The following LYPLAL1 variants were observed in gnomAD, a reference collection of about 807,000 sequenced individuals.
LYPLAL1 encodes the protein lysophospholipase like 1, also known as lysophospholipase-like protein 1.
Under a neutral mutation model 19.7 loss-of-function variants are expected in LYPLAL1, and 23 were observed. The ratio of observed to expected loss-of-function variants is 1.17; its 90% CI spans 0.84 to 1.65. The LOEUF is 1.65. LYPLAL1 is among the 40% of genes most tolerant of loss of function. The probability of loss-of-function intolerance (pLI) is 0.00; values close to 1 mark genes in which losing one functional copy is unlikely to be tolerated. For missense variants in LYPLAL1, 355 were observed against 279.4 expected (o/e 1.27, Z -1.93); for synonymous variants, 119 against 96.3 (o/e 1.24, Z -1.38).
At chr1:219,250,525 A>G in the LYPLAL1 span, among the ~76,000 whole-genome samples, 116 of 151,930 alleles carry the variant, frequency 7.6e-4, no homozygotes, top group Non-Finnish European at 1.4e-3. Context: ...AACATGTGTC[A>G]TGGGGATTTA....
At chr1:219,429,438 C>A in the LYPLAL1 span, among the ~76,000 whole-genome samples, 1 of 152,000 alleles carries the variant, frequency 6.6e-6, no homozygotes, top group African/African-American at 2.4e-5. Flanking sequence ...CAGGAGGATT[C>A]CTAGAGGACA....
At chr1:219,236,365 T>G in the LYPLAL1 span, among the ~76,000 whole-genome samples, 1 of 152,238 alleles carries the variant, frequency 6.6e-6, no homozygotes, top group African/African-American at 2.4e-5. Flanking sequence ...GCCTTAGCTA[T>G]TATCTCAAAG....
chr1:219,438,811 G>A, the LYPLAL1 span, among the ~76,000 whole-genome samples: 1 of 152,148 alleles, frequency 6.6e-6, no homozygotes, highest in Non-Finnish European at 1.5e-5. Context: ...CTAAAATGGG[G>A]AGTGTTCTAG....
the LYPLAL1 span, among the ~76,000 whole-genome samples, chr1:219,252,459 A>G: frequency 6.6e-6 from 1 of 152,060 alleles, no homozygotes; most frequent in Non-Finnish European, 1.5e-5. Flanking sequence ...TGTTCCTTCG[A>G]TACCTAGTTT....
chr1:219,211,250 G>T (rs143033917), intron 4 of LYPLAL1, among the ~76,000 whole-genome samples: 58 of 152,150 alleles, frequency 3.8e-4, no homozygotes, highest in African/African-American at 1.3e-3. Flanking sequence ...CCATTTTTAA[G>T]ACGTCCTCTA....
At chr1:219,377,649 T>A in the LYPLAL1 span, among the ~76,000 whole-genome samples, 1 of 152,140 alleles carries the variant, frequency 6.6e-6, no homozygotes, top group Non-Finnish European at 1.5e-5. Context: ...TGGCTGATTC[T>A]ATATAATGGA....
At chr1:219,395,203 G>T in the LYPLAL1 span, among the ~76,000 whole-genome samples, 1 of 152,150 alleles carries the variant, frequency 6.6e-6, no homozygotes, top group African/African-American at 2.4e-5. Flanking sequence ...TCGCCAAATT[G>T]TTTTCCATAA....
At chr1:219,306,815 G>T in the LYPLAL1 span, among the ~76,000 whole-genome samples, 2 of 77,696 alleles carry the variant, frequency 2.6e-5, no homozygotes, top group Non-Finnish European at 4.8e-5. Flanking sequence ...GATAGATATA[G>T]ATAGATAGAT....
chr1:219,205,314 G>A (rs1308058572), intron 3 of LYPLAL1, among the ~76,000 whole-genome samples: 6 of 141,116 alleles, frequency 4.3e-5, no homozygotes, highest in Non-Finnish European at 6.0e-5. Flanking sequence ...CCGAGATTGC[G>A]CCACTGCAGT....
At chr1:219,218,173 A>G in the LYPLAL1 span, among the ~76,000 whole-genome samples, 1 of 152,106 alleles carries the variant, frequency 6.6e-6, no homozygotes, top group African/African-American at 2.4e-5. Context: ...TTGAAGTATA[A>G]CAAAATGAAC....
the LYPLAL1 span, among the ~76,000 whole-genome samples, chr1:219,378,351 A>C: frequency 6.6e-6 from 1 of 152,110 alleles, no homozygotes; most frequent in East Asian, 1.9e-4. Context: ...AGTGAGCAAA[A>C]GGGGAAAAGC....
the LYPLAL1 span, among the ~76,000 whole-genome samples, chr1:219,370,772 T>C: frequency 1.3e-5 from 2 of 152,206 alleles, no homozygotes; most frequent in African/African-American, 4.8e-5. Flanking sequence ...TCCAATGCCC[T>C]GGCAGTCTTT....
At chr1:219,296,206 C>G in the LYPLAL1 span, among the ~76,000 whole-genome samples, 1 of 152,140 alleles carries the variant, frequency 6.6e-6, no homozygotes, top group South Asian at 2.1e-4. Flanking sequence ...TTCTGAAAAT[C>G]CAGCCCATAT....
At chr1:219,441,313 G>T in the LYPLAL1 span, among the ~76,000 whole-genome samples, 4 of 152,134 alleles carry the variant, frequency 2.6e-5, no homozygotes, top group Non-Finnish European at 5.9e-5. Context: ...TAATGATATT[G>T]TGCTCATTCG....
intron 2 of LYPLAL1, among the ~76,000 whole-genome samples, chr1:219,184,147 A>G (rs1045460745): frequency 6.6e-6 from 1 of 151,890 alleles, no homozygotes; most frequent in Admixed American, 6.6e-5. Context: ...TTTAGAGAAA[A>G]TAGATGCCTT....
At chr1:219,268,940 G>A in the LYPLAL1 span, among the ~76,000 whole-genome samples, 4 of 152,232 alleles carry the variant, frequency 2.6e-5, no homozygotes, top group Admixed American at 2.0e-4. Context: ...CAGCTTGCCT[G>A]TGAAGTAATT....
At chr1:219,320,324 A>G in the LYPLAL1 span, among the ~76,000 whole-genome samples, 1 of 152,150 alleles carries the variant, frequency 6.6e-6, no homozygotes, top group Non-Finnish European at 1.5e-5. Context: ...AGGCGCCCTC[A>G]GAATCCCCGA....
At chr1:219,208,951 A>C (rs1202005198) in intron 3 of LYPLAL1, among the ~76,000 whole-genome samples, 1 of 152,122 alleles carries the variant, frequency 6.6e-6, no homozygotes, top group African/African-American at 2.4e-5. Flanking sequence ...AAGATTTATT[A>C]ATGCACAAAT....
the LYPLAL1 span, among the ~76,000 whole-genome samples, chr1:219,415,359 T>A: frequency 5.3e-5 from 8 of 152,282 alleles, no homozygotes; most frequent in South Asian, 2.1e-4. Flanking sequence ...GGAAGAGATG[T>A]TTTCATGAAA....
Sources: gnomAD v4.1 joint callset for allele counts (sites outside exome capture counted in the v4.1 genomes callset) on GRCh38, gnomAD v4.1.1 for gene constraint, MANE v1.5 for transcripts, NCBI Gene and HGNC (gene_info 2026-07-23, HGNC 2026-07-21) for gene names.